EYA4: variants seen among roughly 807,000 people sequenced by gnomAD.
EYA4 encodes EYA transcriptional coactivator and phosphatase 4.
A neutral mutation model predicts 87.9 loss-of-function variants in EYA4; 31 were observed. The ratio of observed to expected loss-of-function variants is 0.35; its 90% confidence interval spans 0.27 to 0.48. The LOEUF (loss-of-function observed/expected upper bound fraction) is 0.48, where lower values mean the gene tolerates loss of function less well. EYA4 is among the 20% of genes least tolerant of loss of function. The pLI is 0.99. For synonymous variants in EYA4, 263 were observed against 270.6 expected, an observed-to-expected ratio of 0.97 and a Z score of 0.28; for missense variants, 678 against 761.4, an observed-to-expected ratio of 0.89 and a Z score of 1.29.
At chr6:133,286,721 A>C (rs9483571) in intron 2 of EYA4, among the ~76,000 whole-genome samples, 8,741 of 152,294 alleles carry the variant, frequency 0.057, 706 homozygotes, top group African/African-American at 0.18. Context: ...ATTTCCATCA[A>C]AGTAACCAAA....
intron 3 of EYA4, among the ~76,000 whole-genome samples, chr6:133,426,476 G>A (rs1337902349): frequency 6.6e-6 from 1 of 152,136 alleles, no homozygotes; most frequent in East Asian, 1.9e-4. Flanking sequence ...CTTTCTTCCT[G>A]AATTGTTGAA....
At position 133,385,919 on chromosome 6, in the gene EYA4, A is replaced by G. The variant is rs966015700; in HGVS notation, c.83+3478A>G. On this transcript the variant is annotated intron_variant, in intron 3 of 19. Coordinates refer to ENST00000355286, the MANE Select transcript of EYA4 (RefSeq NM_004100.5). Reference sequence around the variant, plus strand: ...TCTTCTTTGAAATAGCATTACATGTATATAGTATAAGCCAGATGTCAGGAA... The same window carrying G: ...TCTTCTTTGAAATAGCATTACATGTGTATAGTATAAGCCAGATGTCAGGAA... 3.7e-4 allele frequency among the ~76,000 whole-genome samples: 57 copies of G among 152,208 alleles called. 1 individual carries two copies. Among genetic ancestry groups the G allele is most frequent in the South Asian group, 2.1e-4 (1 of 4,836 alleles).
At chr6:133,358,181 A>C (rs1425202825) in intron 2 of EYA4, among the ~76,000 whole-genome samples, 1 of 152,134 alleles carries the variant, frequency 6.6e-6, no homozygotes, top group African/African-American at 2.4e-5. Flanking sequence ...ATAGAAACCC[A>C]AGTTTTTTTA....
chr6:133,481,866 T>C (rs540499271), intron 12 of EYA4, among the ~76,000 whole-genome samples: 1 of 152,310 alleles, frequency 6.6e-6, no homozygotes, highest in South Asian at 2.1e-4. Flanking sequence ...TTGATCTAAA[T>C]TGGCACCGAC....
At chr6:133,386,707 T>C (rs1786779547) in intron 3 of EYA4, among the ~76,000 whole-genome samples, 1 of 152,194 alleles carries the variant, frequency 6.6e-6, no homozygotes, top group African/African-American at 2.4e-5. Context: ...TGAAGTGACT[T>C]ATCAGGAGTT....
intron 2 of EYA4, among the ~76,000 whole-genome samples, chr6:133,316,730 T>C (rs1337676932): frequency 6.6e-6 from 1 of 152,184 alleles, no homozygotes; most frequent in Non-Finnish European, 1.5e-5. Flanking sequence ...TCTATTTTCC[T>C]CTGAAAACAC....
chr6:133,517,769 A>C (rs1471205901), intron 17 of EYA4, among the ~76,000 whole-genome samples: 1 of 152,192 alleles, frequency 6.6e-6, no homozygotes. Context: ...GCCTGTGTCA[A>C]GTGTGGCAGT....
chr6:133,341,406 C>G (rs35677071), intron 2 of EYA4, among the ~76,000 whole-genome samples: 14,590 of 152,082 alleles, frequency 0.096, 806 homozygotes, highest in South Asian at 0.13. Flanking sequence ...TTTGTAGGTA[C>G]GCAGGAATAA....
chr6:133,370,592 T>G (rs1785191489), intron 2 of EYA4, among the ~76,000 whole-genome samples: 1 of 152,220 alleles, frequency 6.6e-6, no homozygotes, highest in African/African-American at 2.4e-5. Flanking sequence ...TTGGGAGAAA[T>G]GCAGGTAACG....
chr6:133,527,232 T>C (rs567571319), intron 19 of EYA4, among the ~76,000 whole-genome samples: 1 of 152,346 alleles, frequency 6.6e-6, no homozygotes, highest in Non-Finnish European at 1.5e-5. Context: ...GGTAATCGCA[T>C]GTGCAGAAAT....
intron 2 of EYA4, among the ~76,000 whole-genome samples, chr6:133,285,189 G>T (rs958611267): frequency 3.3e-5 from 5 of 152,072 alleles, no homozygotes; most frequent in African/African-American, 7.2e-5. Flanking sequence ...GTAGAGACGG[G>T]GTTTCACCAT....
At chr6:133,405,498 A>T (rs1000064526) in intron 3 of EYA4, among the ~76,000 whole-genome samples, 1 of 152,166 alleles carries the variant, frequency 6.6e-6, no homozygotes, top group Non-Finnish European at 1.5e-5. Context: ...ATCTCATAAA[A>T]ATCATTCTCG....
intron 3 of EYA4, among the ~76,000 whole-genome samples, chr6:133,403,920 C>T (rs757322919): frequency 6.6e-6 from 1 of 152,208 alleles, no homozygotes; most frequent in South Asian, 2.1e-4. Flanking sequence ...AAGCAATTCT[C>T]CTGCCTCAGC....
chr6:133,527,620 A>G (rs1182554889), intron 19 of EYA4, among the ~76,000 whole-genome samples: 2 of 152,080 alleles, frequency 1.3e-5, no homozygotes, highest in Non-Finnish European at 2.9e-5. Context: ...TAAGTCTTTG[A>G]AATTCATTGT....
Position 133,385,405 on chromosome 6 carries a change from G to C in EYA4, c.83+2964G>C, listed in dbSNP as rs1233087217. Among the ~76,000 whole-genome samples the C allele has an allele frequency of 5.0e-3, 693 of 139,802 alleles. 5 individuals are homozygous for C. The highest frequency in any genetic ancestry group is 7.0e-3 in the Non-Finnish European group (452 of 64,918). 91.7% of individuals were successfully genotyped at this position (139,802 alleles called of 152,430 possible). On this transcript the variant is annotated intron_variant, in intron 3 of 19. Coordinates refer to ENST00000355286, the MANE Select transcript of EYA4 (RefSeq NM_004100.5). The stretch of plus-strand genomic sequence containing the variant: ...GTATGCTCTCTCTGTGTGTGTGTGT[G>C]TGTGTGTGTGTGTGTGTGTGTGTGT...
chr6:133,464,250 A>G lies in EYA4; in HGVS notation c.725-529A>G, dbSNP rs550994883. Among the ~76,000 whole-genome samples, 15 of 152,236 alleles carry G rather than the reference A, an allele frequency of 9.9e-5. No individual in the cohort carries two copies. The East Asian group carries it at 1.7e-3, about 18-fold the overall frequency. ...CAAACCCTAGATTTGTGTACCATAA[A>G]CAGTTCTCCCTTGAGTCTGAACCCT... On this transcript the variant is annotated intron_variant, in intron 9 of 19. Transcript: ENST00000355286.
At chr6:133,248,609 G>A (rs1211414912) in intron 1 of EYA4, 1 of 152,178 alleles carries the variant, frequency 6.6e-6, no homozygotes, top group Admixed American at 6.5e-5. Context: ...TTTTCAGTAT[G>A]TTGAAAGTGA....
intron 11 of EYA4, among the ~76,000 whole-genome samples, chr6:133,478,585 G>A (rs9385649): frequency 0.38 from 57,755 of 151,938 alleles, 11,952 homozygotes; most frequent in African/African-American, 0.55. Flanking sequence ...TTAAAGAACA[G>A]TGCATGACAT....
intron 2 of EYA4, among the ~76,000 whole-genome samples, chr6:133,370,210 T>TCA (rs777946484): frequency 1.5e-4 from 23 of 152,198 alleles, no homozygotes; most frequent in Non-Finnish European, 2.2e-4. Context: ...CTGCTGAACT[T>TCA]CACACACACG....
Sources: gnomAD v4.1 joint callset for allele counts (sites outside exome capture counted in the v4.1 genomes callset) on GRCh38, gnomAD v4.1.1 for gene constraint, MANE v1.5 for transcripts, NCBI Gene and HGNC (gene_info 2026-07-23, HGNC 2026-07-21) for gene names.